Variants in STXBP5L observed in about 807,000 individuals in gnomAD.
STXBP5L encodes the protein syntaxin-binding protein 5-like.
STXBP5L carries 65 observed loss-of-function variants against 144.5 expected under a neutral mutation model. That is an observed-to-expected ratio of 0.45 (90% CI 0.37 to 0.55). The LOEUF is 0.55. STXBP5L is among the 20% of genes least tolerant of loss of function. STXBP5L has a pLI of 0.00. For missense variants in STXBP5L, 1,298 were observed against 1,405.5 expected, an observed-to-expected ratio of 0.92 and a Z score of 1.22; for synonymous variants, 505 against 469.6, an observed-to-expected ratio of 1.08 and a Z score of -0.97.
chr3:121,079,677 T>C (rs902536443), intron 5 of STXBP5L, among the ~76,000 whole-genome samples: 2 of 152,358 alleles, frequency 1.3e-5, no homozygotes, highest in Middle Eastern at 3.4e-3. Context: ...TATTGCATTG[T>C]GGTCTGAGAA....
chr3:121,185,281 T>A (rs2047329791), intron 9 of STXBP5L, among the ~76,000 whole-genome samples: 1 of 152,234 alleles, frequency 6.6e-6, no homozygotes, highest in Non-Finnish European at 1.5e-5. Context: ...TCTTTTGCTG[T>A]GCAAAAGCTC....
intron 22 of STXBP5L, among the ~76,000 whole-genome samples, chr3:121,387,510 T>G (rs898778070): frequency 6.6e-6 from 1 of 152,144 alleles, no homozygotes; most frequent in African/African-American, 2.4e-5. Flanking sequence ...ATTGCCTAGG[T>G]TTTCTTCTAG....
chr3:121,098,685 A>G (rs2043258393), intron 5 of STXBP5L, among the ~76,000 whole-genome samples: 1 of 152,142 alleles, frequency 6.6e-6, no homozygotes, highest in Admixed American at 6.6e-5. Flanking sequence ...TGTCGGGAAT[A>G]CCTTTGTAGG....
At chr3:121,170,030 G>A (rs1482217665) in intron 9 of STXBP5L, among the ~76,000 whole-genome samples, 1 of 149,464 alleles carries the variant, frequency 6.7e-6, no homozygotes, top group Non-Finnish European at 1.5e-5. Context: ...TTAGAACTCA[G>A]GATTAAGAAA....
chr3:120,926,510 T>G (rs1454682197), intron 2 of STXBP5L, among the ~76,000 whole-genome samples: 1 of 152,164 alleles, frequency 6.6e-6, no homozygotes. Flanking sequence ...AGAGTTTGAT[T>G]ATGCCTTGGG....
chr3:121,347,312 A>G (rs1020190296), intron 20 of STXBP5L, among the ~76,000 whole-genome samples: 1 of 152,146 alleles, frequency 6.6e-6, no homozygotes, highest in African/African-American at 2.4e-5. Context: ...ATTGATCTAT[A>G]TCTCTGTTTT....
chr3:120,950,174 C>G (rs754588497), intron 2 of STXBP5L, among the ~76,000 whole-genome samples: 4 of 151,874 alleles, frequency 2.6e-5, no homozygotes, highest in Non-Finnish European at 2.9e-5. Context: ...AACGTACGAT[C>G]CATTTTGAGT....
intron 3 of STXBP5L, among the ~76,000 whole-genome samples, chr3:120,990,280 A>G (rs1181089366): frequency 6.6e-6 from 1 of 152,222 alleles, no homozygotes; most frequent in Non-Finnish European, 1.5e-5. Flanking sequence ...AAGGAGAACT[A>G]CAAACCACTG....
At position 121,279,829 on chromosome 3, in the gene STXBP5L, G is replaced by C; in HGVS notation, c.1983G>C (p.Gly661=). Residue 661 remains glycine, a synonymous_variant, in exon 19 of 27, where the codon GGG becomes GGC. Coordinates refer to ENST00000471454, the MANE Select transcript of STXBP5L (RefSeq NM_001308330.2). ...GAGTTGCATTTGGGAACTGCAATGG[G>C]TTGGCTGTGGTGGATTTTATACAGA... is the stretch of plus-strand genomic sequence containing the variant. The part of the protein sequence containing the change: ...YGIVAFGNCN[G]LAVVDFIQKT... 6.2e-7 allele frequency: 1 copy of C among 1,612,362 alleles called. No homozygotes were observed. Among genetic ancestry groups the C allele is most frequent in the African/African-American group, 1.3e-5 (1 of 74,922 alleles).
At chr3:121,229,561 T>G (rs1403182206) in intron 11 of STXBP5L, among the ~76,000 whole-genome samples, 4 of 152,102 alleles carry the variant, frequency 2.6e-5, no homozygotes, top group African/African-American at 4.8e-5. Flanking sequence ...ATTTTTCATT[T>G]TTTTACTTTT....
chr3:121,016,168 A>G (rs1373969156), intron 3 of STXBP5L, among the ~76,000 whole-genome samples: 2 of 152,224 alleles, frequency 1.3e-5, no homozygotes, highest in Non-Finnish European at 2.9e-5. Context: ...CTATTAATCA[A>G]TACAAACGTG....
chr3:121,312,488 T>G (rs1351589739), intron 19 of STXBP5L, among the ~76,000 whole-genome samples: 9 of 113,576 alleles, frequency 7.9e-5, no homozygotes, highest in African/African-American at 3.0e-4. Flanking sequence ...TATTGATCAT[T>G]CTTGGGTGTT....
intron 2 of STXBP5L, among the ~76,000 whole-genome samples, chr3:120,923,513 A>G (rs1261070705): frequency 6.6e-6 from 1 of 151,974 alleles, no homozygotes; most frequent in Non-Finnish European, 1.5e-5. Flanking sequence ...GCTGTATCTC[A>G]TAGATTTCAG....
At chr3:121,367,034 T>G (rs2108650787) in intron 20 of STXBP5L, among the ~76,000 whole-genome samples, 1 of 152,332 alleles carries the variant, frequency 6.6e-6, no homozygotes, top group Middle Eastern at 3.4e-3. Flanking sequence ...ACTTTACAGC[T>G]TCTTTCTCAC....
chr3:121,172,173 AC>A (rs1182710748), intron 9 of STXBP5L, among the ~76,000 whole-genome samples: 4 of 152,196 alleles, frequency 2.6e-5, no homozygotes, highest in Non-Finnish European at 4.4e-5. Flanking sequence ...TAGACATTGT[AC>A]AAAAATTAAC....
At chr3:120,994,419 T>G (rs1943176957) in intron 3 of STXBP5L, among the ~76,000 whole-genome samples, 1 of 152,142 alleles carries the variant, frequency 6.6e-6, no homozygotes, top group Non-Finnish European at 1.5e-5. Context: ...ATGTTAGCTG[T>G]GGGTTTATCA....
At chr3:120,971,931 G>A (rs1940320066) in intron 3 of STXBP5L, among the ~76,000 whole-genome samples, 1 of 151,862 alleles carries the variant, frequency 6.6e-6, no homozygotes, top group South Asian at 2.1e-4. Context: ...ATCATTCATT[G>A]ATGAGCACTT....
intron 22 of STXBP5L, among the ~76,000 whole-genome samples, chr3:121,395,373 T>C (rs1251121635): frequency 6.6e-6 from 1 of 152,242 alleles, no homozygotes; most frequent in Non-Finnish European, 1.5e-5. Flanking sequence ...AATAAGAAAT[T>C]AAAAATTATG....
intron 7 of STXBP5L, among the ~76,000 whole-genome samples, chr3:121,144,497 T>C (rs1438165853): frequency 6.6e-6 from 1 of 151,868 alleles, no homozygotes; most frequent in Non-Finnish European, 1.5e-5. Context: ...GATGTGAAGA[T>C]ATTGGAACAC....
Sources: gnomAD v4.1 joint callset for allele counts (sites outside exome capture counted in the v4.1 genomes callset) on GRCh38, gnomAD v4.1.1 for gene constraint, MANE v1.5 for transcripts, NCBI Gene and HGNC (gene_info 2026-07-23, HGNC 2026-07-21) for gene names.